Variants in PCDHA2 observed in about 807,000 individuals in gnomAD.
The protein encoded by PCDHA2 is protocadherin alpha 2.
In PCDHA2, 58 loss-of-function variants were observed where a neutral mutation model predicts 66.0. The ratio of observed to expected loss-of-function variants is 0.88; its 90% CI spans 0.71 to 1.09. PCDHA2 has a LOEUF of 1.09. Ranked by LOEUF, PCDHA2 falls within the 50% of genes least tolerant of loss-of-function variation. PCDHA2 has a pLI of 0.00. For synonymous variants in PCDHA2, 634 were observed against 554.0 expected, an observed-to-expected ratio of 1.14 and a Z score of -2.03; for missense variants, 1,267 against 1,242.3, an observed-to-expected ratio of 1.02 and a Z score of -0.30.
At chr5:140,838,881 C>A (rs2150293311) in intron 1 of PCDHA2, among the ~76,000 whole-genome samples, 1 of 151,836 alleles carries the variant, frequency 6.6e-6, no homozygotes, top group African/African-American at 2.4e-5. Flanking sequence ...TGCCACTGAA[C>A]TCCAGCCTAG....
chr5:140,808,030 C>T (rs1315545536), intron 1 of PCDHA2: 2 of 1,613,918 alleles, frequency 1.2e-6, no homozygotes, highest in Non-Finnish European at 1.7e-6. Flanking sequence ...TTTATTCATT[C>T]TCAAATGATA....
chr5:140,954,842 T>C (rs1483926115), intron 1 of PCDHA2, among the ~76,000 whole-genome samples: 1 of 152,252 alleles, frequency 6.6e-6, no homozygotes, highest in Non-Finnish European at 1.5e-5. Flanking sequence ...ATGAAATCTT[T>C]GCCTGTGCCT....
chr5:140,842,552 A>T, intron 1 of PCDHA2: 1 of 1,596,224 alleles, frequency 6.3e-7, no homozygotes, highest in Non-Finnish European at 8.6e-7. Flanking sequence ...GGTGCTGGAC[A>T]GCGCCCTGGA....
At chr5:140,881,333 G>A (rs1554171980) in intron 1 of PCDHA2, 1 of 984,778 alleles carries the variant, frequency 1.0e-6, no homozygotes, top group Admixed American at 6.1e-5. Context: ...TAACCAGGAC[G>A]CCGATTCGGG....
chr5:140,795,786 C>G lies in PCDHA2; in HGVS notation c.822C>G (p.Asn274Lys). Reference protein sequence around the residue: ...LNASDADEGPNSEIVYSLGSD... With the variant: ...LNASDADEGPKSEIVYSLGSD... ...CTTCTGATGCAGATGAAGGACCGAA[C>G]AGCGAGATTGTGTATTCACTCGGTA... The change falls in exon 1 of 4, where the codon AAC (asparagine) becomes AAG (lysine). Residue 274 changes from asparagine to lysine, a missense_variant. Physicochemically the swap from Asn to Lys is moderately conservative, Grantham distance 94 (BLOSUM62 0). Coordinates refer to ENST00000526136, the MANE Select transcript of PCDHA2 (RefSeq NM_018905.3). The G allele has an allele frequency of 6.2e-7, 1 of 1,613,802 alleles. No individual in the cohort carries two copies. Among genetic ancestry groups the G allele is most frequent in the Non-Finnish European group, 8.5e-7 (1 of 1,179,872 alleles).
At chr5:140,807,918 G>T (rs1554124343) in intron 1 of PCDHA2, 1 of 1,614,094 alleles carries the variant, frequency 6.2e-7, no homozygotes, top group Admixed American at 1.7e-5. Context: ...GCTTTTGACA[G>T]AACCATTTAT....
intron 1 of PCDHA2, chr5:140,849,708 T>C (rs2150445968): frequency 6.3e-7 from 1 of 1,598,586 alleles, no homozygotes; most frequent in East Asian, 2.2e-5. Flanking sequence ...CAAGAATTAC[T>C]ACTCGTTGGT....
chr5:140,803,160 G>C (rs782083603), intron 1 of PCDHA2: 2 of 1,613,870 alleles, frequency 1.2e-6, no homozygotes, highest in Non-Finnish European at 1.7e-6. Context: ...GAAGGACCAC[G>C]GTGAACCCTC....
At chr5:140,828,903 A>C in intron 1 of PCDHA2, 1 of 1,614,256 alleles carries the variant, frequency 6.2e-7, no homozygotes. Flanking sequence ...GATCGGGATG[A>C]AGGAGCGAAT....
Position 140,918,963 on chromosome 5 carries a change from A to C in PCDHA2, c.2389-59986A>C, listed in dbSNP as rs74470631. ...TAATATCCTGAACAGACTAAGACAGATATCGTTTAGGTTAGTTGGTTTTTA... is the reference window on the plus strand; with the variant it reads ...TAATATCCTGAACAGACTAAGACAGCTATCGTTTAGGTTAGTTGGTTTTTA... On this transcript the variant is annotated intron_variant, in intron 1 of 3. Transcript: ENST00000526136. Among the ~76,000 whole-genome samples the C allele has an allele frequency of 4.6e-3, 702 of 152,330 alleles. 2 individuals are homozygous for C. Among genetic ancestry groups the C allele is most frequent in the African/African-American group, 0.016 (679 of 41,576 alleles).
At chr5:140,991,985 A>G (rs114196704) in intron 3 of PCDHA2, among the ~76,000 whole-genome samples, 1,827 of 150,246 alleles carry the variant, frequency 0.012, 17 homozygotes, top group Non-Finnish European at 0.019. Context: ...TCTGCCTACC[A>G]CCCGGTCTTT....
At chr5:140,894,236 T>C (rs1205163436) in intron 1 of PCDHA2, among the ~76,000 whole-genome samples, 7 of 152,250 alleles carry the variant, frequency 4.6e-5, no homozygotes, top group South Asian at 2.1e-4. Context: ...TGAATGACAA[T>C]GTAATTTTCT....
chr5:140,824,197 CT>C (rs2150133145), intron 1 of PCDHA2: 49 of 1,598,384 alleles, frequency 3.1e-5, no homozygotes, highest in Middle Eastern at 1.7e-4. Flanking sequence ...CATTCACCCA[CT>C]TTTTTTGTAT....
At chr5:140,857,970 C>A (rs782641512) in intron 1 of PCDHA2, 1 of 1,596,952 alleles carries the variant, frequency 6.3e-7, no homozygotes, top group Non-Finnish European at 8.6e-7. Flanking sequence ...GAGACTGACT[C>A]GCCACGCCAG....
intron 1 of PCDHA2, chr5:140,927,524 C>G (rs781824669): frequency 1.2e-6 from 2 of 1,614,104 alleles, no homozygotes; most frequent in Admixed American, 1.7e-5. Flanking sequence ...GGCGGGCTAC[C>G]TGCCCGCTCA....
At chr5:140,914,817 C>T (rs2076857750) in intron 1 of PCDHA2, among the ~76,000 whole-genome samples, 1 of 152,040 alleles carries the variant, frequency 6.6e-6, no homozygotes, top group African/African-American at 2.4e-5. Flanking sequence ...ACTTAACAGA[C>T]TGCATAAACA....
At chr5:140,849,756 T>C (rs1554143259) in intron 1 of PCDHA2, 2 of 1,598,354 alleles carry the variant, frequency 1.3e-6, no homozygotes, top group Admixed American at 1.7e-5. Flanking sequence ...TGTGTCCGCC[T>C]ACGAGCTGGT....
At chr5:140,805,612 T>G in intron 1 of PCDHA2, 3 of 911,202 alleles carry the variant, frequency 3.3e-6, no homozygotes, top group Non-Finnish European at 3.9e-6. Flanking sequence ...AATTTCTTTA[T>G]GTAAGAAAAT....
intron 1 of PCDHA2, among the ~76,000 whole-genome samples, chr5:140,922,177 A>C (rs1194396252): frequency 2.9e-5 from 2 of 69,034 alleles, no homozygotes; most frequent in African/African-American, 9.2e-5. Context: ...TACAGCAGAC[A>C]AAAAAAAAGT....
Sources: allele counts gnomAD v4.1 joint callset (sites outside exome capture counted in the v4.1 genomes callset), GRCh38; gene constraint gnomAD v4.1.1; transcripts MANE v1.5; gene names NCBI Gene and HGNC (gene_info 2026-07-23, HGNC 2026-07-21).